Variants in CCDC6 observed in about 807,000 individuals in gnomAD.
The protein encoded by CCDC6 is coiled-coil domain-containing protein 6.
Under a neutral mutation model 56.6 loss-of-function variants are expected in CCDC6, and 20 were observed. The observed-to-expected ratio is 0.35, with a 90% CI of 0.25 to 0.51. CCDC6 has a LOEUF of 0.51. Ranked by LOEUF, CCDC6 falls within the 20% of genes least tolerant of loss-of-function variation. The pLI is 0.95. For missense variants in CCDC6, 367 were observed against 601.1 expected, an observed-to-expected ratio of 0.61 and a Z score of 4.07; for synonymous variants, 241 against 234.4, an observed-to-expected ratio of 1.03 and a Z score of -0.26.
Position 59,827,820 on chromosome 10 carries a change from T to C in CCDC6, c.582+4705A>G, listed in dbSNP as rs1055717301. Among the ~76,000 whole-genome samples, 29 of 152,172 alleles carry C rather than the reference T, an allele frequency of 1.9e-4. 1 individual carries two copies. The highest frequency in any genetic ancestry group is 4.4e-5 in the Non-Finnish European group (3 of 68,016). ...AGGAAAAAGTAAGGGGTCTGGTACA[T>C]GGTAGGCAATCCTGTTACACCATGT... is the stretch of plus-strand genomic sequence containing the variant. On this transcript the variant is annotated intron_variant, in intron 3 of 8. Coordinates refer to ENST00000263102, the MANE Select transcript of CCDC6 (RefSeq NM_005436.5).
chr10:59,905,858 G>A (rs917099799), intron 1 of CCDC6, among the ~76,000 whole-genome samples: 6 of 152,206 alleles, frequency 3.9e-5, no homozygotes, highest in Non-Finnish European at 7.3e-5. Flanking sequence ...CTCTCCAGAG[G>A]CTAAAAGGGA....
chr10:59,866,549 T>C (rs2071178808), intron 1 of CCDC6, among the ~76,000 whole-genome samples: 1 of 152,240 alleles, frequency 6.6e-6, no homozygotes, highest in African/African-American at 2.4e-5. Context: ...GTATTGATTG[T>C]ATTCCTGGCA....
chr10:59,806,774 T>A (rs1002834285), intron 6 of CCDC6, 148 bp downstream of exon 6: 27 of 530,936 alleles, frequency 5.1e-5, no homozygotes, highest in Non-Finnish European at 7.5e-5. Flanking sequence ...ATTCTTGGCA[T>A]CTACTATAAC....
intron 1 of CCDC6, among the ~76,000 whole-genome samples, chr10:59,861,432 CAAAAAAAA>C (rs55716341): frequency 1.1e-5 from 1 of 88,970 alleles, no homozygotes; most frequent in Non-Finnish European, 2.2e-5. Flanking sequence ...CAAAAATTAC[CAAAAAAAA>C]AAAAAAAAAA....
At chr10:59,821,840 G>A (rs919634897) in intron 3 of CCDC6, among the ~76,000 whole-genome samples, 2 of 152,052 alleles carry the variant, frequency 1.3e-5, no homozygotes, top group African/African-American at 4.8e-5. Context: ...GTTGTCCCTT[G>A]GCTGAAAGTT....
intron 7 of CCDC6, among the ~76,000 whole-genome samples, chr10:59,801,175 A>G (rs1170206374): frequency 6.6e-6 from 1 of 152,164 alleles, no homozygotes; most frequent in African/African-American, 2.4e-5. Context: ...CCAAGTTTTA[A>G]TATATCTTTG....
intron 1 of CCDC6, among the ~76,000 whole-genome samples, chr10:59,869,519 A>G (rs754148859): frequency 6.6e-5 from 10 of 150,878 alleles, no homozygotes; most frequent in African/African-American, 2.4e-4. Context: ...CCTTGTGCCT[A>G]TTTAGCCCAT....
chr10:59,902,579 A>C (rs2071511995), intron 1 of CCDC6, among the ~76,000 whole-genome samples: 1 of 151,666 alleles, frequency 6.6e-6, no homozygotes, highest in East Asian at 1.9e-4. Context: ...TATTTTTTTC[A>C]GTAGAGATGG....
At chr10:59,827,106 C>A (rs1316961270) in intron 3 of CCDC6, among the ~76,000 whole-genome samples, 1 of 152,030 alleles carries the variant, frequency 6.6e-6, no homozygotes, top group African/African-American at 2.4e-5. Flanking sequence ...AAGGCTTGAG[C>A]AGGGATAGGA....
chr10:59,805,487 C>T (rs144978501), intron 6 of CCDC6: 158 of 152,258 alleles, frequency 1.0e-3, no homozygotes, highest in African/African-American at 3.6e-3. Context: ...ATCTGGAAGG[C>T]TGAAATTGCT....
chr10:59,810,235 G>A (rs1327555667), intron 5 of CCDC6, among the ~76,000 whole-genome samples: 1 of 152,212 alleles, frequency 6.6e-6, no homozygotes, highest in African/African-American at 2.4e-5. Context: ...GAGAATGCAA[G>A]GAATGGATGA....
intron 7 of CCDC6, among the ~76,000 whole-genome samples, chr10:59,802,141 A>G (rs974076410): frequency 3.9e-5 from 6 of 152,322 alleles, no homozygotes; most frequent in East Asian, 1.9e-4. Flanking sequence ...AAACTGAAAG[A>G]TAACACTCTT....
intron 2 of CCDC6, among the ~76,000 whole-genome samples, chr10:59,841,041 C>G (rs1327073461): frequency 1.3e-5 from 2 of 152,182 alleles, no homozygotes; most frequent in Non-Finnish European, 2.9e-5. Context: ...GTGGCTCCTC[C>G]CATGCAGAAT....
At chr10:59,804,675 C>T (rs994996534) in intron 6 of CCDC6, 155 bp from the exon 7 acceptor site, 4 of 598,972 alleles carry the variant, frequency 6.7e-6, no homozygotes, top group Admixed American at 5.2e-5. Context: ...AAAATGGACT[C>T]CTGAGTCACA....
chr10:59,873,878 T>G (rs1250862418), intron 1 of CCDC6, among the ~76,000 whole-genome samples: 3 of 152,180 alleles, frequency 2.0e-5, no homozygotes, highest in Non-Finnish European at 4.4e-5. Flanking sequence ...CAAAACAGAA[T>G]AGTTAAAACA....
At chr10:59,890,983 G>A (rs951698367) in intron 1 of CCDC6, among the ~76,000 whole-genome samples, 5 of 152,134 alleles carry the variant, frequency 3.3e-5, no homozygotes, top group African/African-American at 1.2e-4. Context: ...AACATGTGGT[G>A]TTTGGTTTTC....
intron 1 of CCDC6, among the ~76,000 whole-genome samples, chr10:59,877,818 G>A (rs1360235761): frequency 6.6e-6 from 1 of 152,170 alleles, no homozygotes; most frequent in Admixed American, 6.5e-5. Flanking sequence ...TTGTTCATCA[G>A]GGTAACCAGA....
intron 1 of CCDC6, among the ~76,000 whole-genome samples, chr10:59,865,837 G>C (rs2071171982): frequency 8.9e-6 from 1 of 112,732 alleles, no homozygotes; most frequent in Non-Finnish European, 1.6e-5. Context: ...GTGACAGAGA[G>C]AGACTCCATC....
intron 1 of CCDC6, among the ~76,000 whole-genome samples, chr10:59,867,484 C>T (rs1016264017): frequency 2.6e-5 from 4 of 152,106 alleles, no homozygotes; most frequent in African/African-American, 4.8e-5. Context: ...ATGATAAAAC[C>T]GCAGTCTCCA....
Sources: gnomAD v4.1 joint callset for allele counts (sites outside exome capture counted in the v4.1 genomes callset) on GRCh38, gnomAD v4.1.1 for gene constraint, MANE v1.5 for transcripts, NCBI Gene and HGNC (gene_info 2026-07-23, HGNC 2026-07-21) for gene names.